The following SYNJ1 variants were observed in gnomAD, a reference collection of about 807,000 sequenced individuals.
The protein encoded by SYNJ1 is polyphosphatidylinositol phosphatase SYNJ1.
SYNJ1 carries 78 observed loss-of-function variants against 168.2 expected under a neutral mutation model. That is an observed-to-expected ratio of 0.46 (90% confidence interval 0.39 to 0.56). SYNJ1 has a LOEUF of 0.56. SYNJ1 is among the 20% of genes least tolerant of loss of function. SYNJ1 has a pLI of 0.00. For missense variants in SYNJ1, 1,303 were observed against 1,597.6 expected (o/e 0.82, Z 3.14); for synonymous variants, 539 against 548.6 (o/e 0.98, Z 0.24).
At chr21:32,650,495 T>G in intron 22 of SYNJ1, 149 bp from the exon 23 acceptor site, 1 of 642,638 alleles carries the variant, frequency 1.6e-6, no homozygotes, top group South Asian at 2.8e-5. Flanking sequence ...TTCTTTCACA[T>G]ATACTAAATT....
intron 2 of SYNJ1, among the ~76,000 whole-genome samples, chr21:32,704,107 A>G (rs1487524448): frequency 1.3e-5 from 2 of 152,248 alleles, no homozygotes; most frequent in African/African-American, 4.8e-5. Flanking sequence ...CTCTCTTCTA[A>G]TAATGCATAA....
In SYNJ1 at chr21:32,707,547, T is replaced by C. The variant is rs1468636311; in HGVS notation, c.125-5500A>G. On this transcript the variant is annotated intron_variant, in intron 2 of 32. Coordinates refer to ENST00000674351, the MANE Select transcript of SYNJ1 (RefSeq NM_203446.3). ...CAGGGTCTTTCTATGTTGCCCAGGC[T>C]GGTCTGAAACTTCTGGCTTCAAGTG... 2.0e-5 allele frequency among the ~76,000 whole-genome samples: 3 copies of C among 152,110 alleles called. No homozygotes were observed. The East Asian group carries it at 5.8e-4, about 29-fold the overall frequency.
chr21:32,698,750 T>C (rs186696103), intron 4 of SYNJ1, among the ~76,000 whole-genome samples: 244 of 152,290 alleles, frequency 1.6e-3, no homozygotes, highest in Non-Finnish European at 2.4e-3. Context: ...TAACTTATTA[T>C]AGTACTAGAT....
At chr21:32,660,911 G>A (rs1045945326) in intron 18 of SYNJ1, among the ~76,000 whole-genome samples, 4 of 152,124 alleles carry the variant, frequency 2.6e-5, no homozygotes, top group African/African-American at 4.8e-5. Context: ...GGACACCAGC[G>A]AGCCTCCACC....
intron 5 of SYNJ1, 120 bp downstream of exon 5, chr21:32,694,937 A>C: frequency 2.8e-6 from 3 of 1,090,814 alleles, no homozygotes; most frequent in Non-Finnish European, 3.8e-6. Flanking sequence ...AACCAAGAAC[A>C]ATCATAAAAC....
chr21:32,667,241 T>C (rs1173198902), intron 15 of SYNJ1, among the ~76,000 whole-genome samples: 4 of 152,220 alleles, frequency 2.6e-5, no homozygotes, highest in African/African-American at 7.2e-5. Flanking sequence ...TATGTGACTA[T>C]ATGTGCTTCC....
chr21:32,718,032 A>G (rs2043086075), intron 2 of SYNJ1, among the ~76,000 whole-genome samples: 1 of 152,094 alleles, frequency 6.6e-6, no homozygotes, highest in Non-Finnish European at 1.5e-5. Flanking sequence ...AAATCATTCC[A>G]TGTATTTTGT....
In SYNJ1 at chr21:32,666,052, T is replaced by C; in HGVS notation, c.2036A>G (p.His679Arg). ...KGAVAIRMLF[H>R]TTSLCFVCSH... is the part of the protein sequence containing the mutation. ...ACAGACGAAGCAAAGGCTGGTTGTA[T>C]GGAAGAGCATTCGGATTGCAACTGC... is the stretch of plus-strand genomic sequence containing the variant. The change falls in exon 17 of 33, where the codon CAT becomes CGT. Residue 679 changes from histidine to arginine, a missense_variant. This residue lies in a region of SYNJ1 where 920 missense variants were observed against 1,208.8 expected (regional missense o/e 0.76). Transcript: ENST00000674351. The C allele has an allele frequency of 6.2e-7, 1 of 1,614,154 alleles. No individual in the cohort carries two copies. Among genetic ancestry groups the C allele is most frequent in the Non-Finnish European group, 8.5e-7 (1 of 1,179,996 alleles).
intron 1 of SYNJ1, 89 bp from the exon 2 acceptor site, chr21:32,727,006 A>T: frequency 6.5e-7 from 1 of 1,528,352 alleles, no homozygotes; most frequent in Non-Finnish European, 8.8e-7. Context: ...CCTCCCCGCC[A>T]GGTTTTGATG....
intron 15 of SYNJ1, 72 bp downstream of exon 15, chr21:32,670,212 CAATT>C: frequency 5.2e-6 from 6 of 1,159,724 alleles, no homozygotes; most frequent in Non-Finnish European, 5.1e-6. Flanking sequence ...ATCCTTGTAA[CAATT>C]ACTTAATTAT....
At chr21:32,653,250 A>C in intron 22 of SYNJ1, 38 bp downstream of exon 22, 1 of 1,507,016 alleles carries the variant, frequency 6.6e-7, no homozygotes, top group Non-Finnish European at 9.2e-7. Flanking sequence ...CAGACATTTA[A>C]TTTCAGAATG....
Position 32,630,991 on chromosome 21 carries a change from G to A in SYNJ1, c.*814C>T. ...AAGTACCCACTGTTTTCTATTGCAT[G>A]GCGTTATCTTTCTGTAAAGTCCAGT... On this transcript the variant is annotated 3_prime_UTR_variant, in exon 33 of 33. Transcript: ENST00000674351. The A allele has an allele frequency of 6.2e-7, 1 of 1,607,248 alleles. No homozygotes were observed. The highest frequency in any genetic ancestry group is 1.1e-5 in the South Asian group (1 of 90,570).
chr21:32,714,086 C>T (rs908877288), intron 2 of SYNJ1, among the ~76,000 whole-genome samples: 1 of 152,080 alleles, frequency 6.6e-6, no homozygotes, highest in African/African-American at 2.4e-5. Context: ...TACTTTTCTA[C>T]ATGTATTATA....
intron 23 of SYNJ1, among the ~76,000 whole-genome samples, chr21:32,648,504 T>C (rs191692770): frequency 6.6e-6 from 1 of 152,356 alleles, no homozygotes; most frequent in Admixed American, 6.5e-5. Flanking sequence ...TCCCCTTCCA[T>C]GCTCCACTTT....
chr21:32,712,235 G>GCTTATTTGCATGCAGTT (rs1334798411), intron 2 of SYNJ1, among the ~76,000 whole-genome samples: 1 of 152,128 alleles, frequency 6.6e-6, no homozygotes, highest in African/African-American at 2.4e-5. Flanking sequence ...TGCAGTTTGT[G>GCTTATTTGCATGCAGTT]GTGAGCTTAT....
intron 31 of SYNJ1, 125 bp from the exon 32 acceptor site, chr21:32,635,009 TA>T: frequency 1.1e-6 from 1 of 908,744 alleles, no homozygotes; most frequent in Non-Finnish European, 1.7e-6. Context: ...AGAGCAGCAA[TA>T]TTTGCAGGTT....
At chr21:32,643,739 T>C (rs761120714) in intron 26 of SYNJ1, among the ~76,000 whole-genome samples, 1 of 152,208 alleles carries the variant, frequency 6.6e-6, no homozygotes, top group Non-Finnish European at 1.5e-5. Context: ...ATATGTTTAA[T>C]GAAGACCTTT....
At chr21:32,655,409 T>C (rs1244676159) in intron 21 of SYNJ1, among the ~76,000 whole-genome samples, 1 of 152,240 alleles carries the variant, frequency 6.6e-6, no homozygotes, top group African/African-American at 2.4e-5. Context: ...TTTGTTTAAT[T>C]TGAAAGCTTT....
At chr21:32,646,108 A>C in intron 24 of SYNJ1, 1 of 677,310 alleles carries the variant, frequency 1.5e-6, no homozygotes, top group Non-Finnish European at 2.7e-6. Context: ...TAGAGAGAAG[A>C]AAAAGCTCAA....
Sources: gnomAD v4.1 joint callset for allele counts (sites outside exome capture counted in the v4.1 genomes callset) on GRCh38, gnomAD v4.1.1 for gene constraint, gnomAD v4.1.1 regional missense constraint, MANE v1.5 for transcripts, NCBI Gene and HGNC (gene_info 2026-07-23, HGNC 2026-07-21) for gene names.